Variants in SSBP2 observed in about 807,000 individuals in gnomAD.
SSBP2 encodes the protein single stranded DNA binding protein 2.
Under a neutral mutation model 61.8 loss-of-function variants are expected in SSBP2, and 17 were observed. The ratio of observed to expected loss-of-function variants is 0.28; its 90% CI spans 0.19 to 0.41. SSBP2 has a LOEUF of 0.41. Ranked by LOEUF, SSBP2 falls within the 10% of genes least tolerant of loss-of-function variation. SSBP2 has a pLI of 1.00. For missense variants in SSBP2, 310 were observed against 458.7 expected, an observed-to-expected ratio of 0.68 and a Z score of 2.96; for synonymous variants, 139 against 141.3, an observed-to-expected ratio of 0.98 and a Z score of 0.12.
At chr5:81,612,679 A>T (rs933954516) in intron 4 of SSBP2, among the ~76,000 whole-genome samples, 4 of 152,054 alleles carry the variant, frequency 2.6e-5, no homozygotes, top group Non-Finnish European at 4.4e-5. Flanking sequence ...TTATACATGC[A>T]AGTGAACATT....
At chr5:81,723,193 T>G (rs1333147223) in intron 1 of SSBP2, among the ~76,000 whole-genome samples, 1 of 152,026 alleles carries the variant, frequency 6.6e-6, no homozygotes, top group Admixed American at 6.6e-5. Context: ...AAATGAGTAG[T>G]TAGCACTTTC....
At chr5:81,558,109 C>T (rs926913054) in intron 4 of SSBP2, among the ~76,000 whole-genome samples, 9 of 152,254 alleles carry the variant, frequency 5.9e-5, no homozygotes, top group East Asian at 3.9e-4. Flanking sequence ...CTGTGAATTA[C>T]GAGGTTTTGC....
At chr5:81,680,674 A>G (rs930621550) in intron 1 of SSBP2, among the ~76,000 whole-genome samples, 1 of 152,192 alleles carries the variant, frequency 6.6e-6, no homozygotes, top group South Asian at 2.1e-4. Flanking sequence ...AATAAGAGGG[A>G]CATTATGTAA....
chr5:81,700,788 A>G (rs1010625542), intron 1 of SSBP2, among the ~76,000 whole-genome samples: 5 of 152,328 alleles, frequency 3.3e-5, no homozygotes, highest in Admixed American at 2.6e-4. Flanking sequence ...AACCTCTGCT[A>G]GCTTCAAAAT....
intron 1 of SSBP2, among the ~76,000 whole-genome samples, chr5:81,698,536 G>A (rs1019471586): frequency 2.3e-4 from 35 of 152,302 alleles, no homozygotes; most frequent in East Asian, 1.4e-3. Flanking sequence ...TGTAGGCCAC[G>A]TGCGGTGGCT....
intron 4 of SSBP2, among the ~76,000 whole-genome samples, chr5:81,590,423 C>A (rs1226275581): frequency 1.3e-5 from 2 of 152,224 alleles, no homozygotes; most frequent in Non-Finnish European, 2.9e-5. Flanking sequence ...CCCACATTTT[C>A]TTTAACTCTA....
chr5:81,420,602 C>T (rs1415853761), intron 16 of SSBP2, 69 bp from the exon 17 acceptor site: 1 of 1,278,032 alleles, frequency 7.8e-7, no homozygotes, highest in Non-Finnish European at 1.1e-6. Flanking sequence ...CTTCTTGGTA[C>T]AACAGAAACG....
chr5:81,700,842 G>C (rs1201693695), intron 1 of SSBP2, among the ~76,000 whole-genome samples: 1 of 152,186 alleles, frequency 6.6e-6, no homozygotes, highest in Non-Finnish European at 1.5e-5. Flanking sequence ...ACAAACTGAA[G>C]AGTTAGGATC....
intron 1 of SSBP2, among the ~76,000 whole-genome samples, chr5:81,703,960 C>A (rs999550600): frequency 6.6e-6 from 1 of 152,190 alleles, no homozygotes; most frequent in African/African-American, 2.4e-5. Flanking sequence ...TCAAAGACAT[C>A]TGACTATGGA....
intron 5 of SSBP2, among the ~76,000 whole-genome samples, chr5:81,493,984 G>A (rs1420897274): frequency 6.6e-6 from 1 of 152,092 alleles, no homozygotes; most frequent in Non-Finnish European, 1.5e-5. Context: ...ATGACTACCC[G>A]CTGATTAGGA....
At chr5:81,637,433 T>C (rs1030379921) in intron 2 of SSBP2, among the ~76,000 whole-genome samples, 4 of 152,256 alleles carry the variant, frequency 2.6e-5, no homozygotes, top group South Asian at 2.1e-4. Context: ...ACATTCTCTG[T>C]TGAAACACTC....
chr5:81,423,091 A>C (rs1020799322), intron 16 of SSBP2, among the ~76,000 whole-genome samples: 1 of 152,248 alleles, frequency 6.6e-6, no homozygotes, highest in Admixed American at 6.5e-5. Context: ...AGAAAAAATC[A>C]GAGAATATGG....
At chr5:81,500,126 T>C (rs932408153) in intron 5 of SSBP2, among the ~76,000 whole-genome samples, 3 of 152,246 alleles carry the variant, frequency 2.0e-5, no homozygotes, top group Non-Finnish European at 4.4e-5. Flanking sequence ...TTTGGTTACT[T>C]ATAGACATGA....
At chr5:81,653,994 TTTTG>T (rs1008444336) in intron 1 of SSBP2, among the ~76,000 whole-genome samples, 14 of 126,618 alleles carry the variant, frequency 1.1e-4, no homozygotes, top group Admixed American at 6.5e-4. Context: ...GTGTTTTTTG[TTTTG>T]TTTTTTTTTT....
In SSBP2 at chr5:81,414,005, A is replaced by G. The variant is rs1251998285; in HGVS notation, c.*6499T>C. On this transcript the variant is annotated 3_prime_UTR_variant, in exon 17 of 17. Coordinates refer to ENST00000320672, the MANE Select transcript of SSBP2 (RefSeq NM_012446.5). ...AAAAAGAAAGTGGGATTAAGTGTTA[A>G]TATTGACTAGGAGTAAGTCCTTTAC... 6.6e-6 allele frequency: 1 copy of G among 152,206 alleles called. No homozygotes were observed. The highest frequency in any genetic ancestry group is 1.5e-5 in the Non-Finnish European group (1 of 68,010). 9.4% of individuals were successfully genotyped at this position (152,206 alleles called of 1,614,324 possible).
intron 6 of SSBP2, among the ~76,000 whole-genome samples, chr5:81,479,389 C>G (rs868115903): frequency 6.6e-6 from 1 of 152,084 alleles, no homozygotes; most frequent in South Asian, 2.1e-4. Context: ...CTTCCAGGTT[C>G]AAGTGATTCT....
chr5:81,550,325 T>C (rs975275932), intron 4 of SSBP2, among the ~76,000 whole-genome samples: 13 of 152,198 alleles, frequency 8.5e-5, no homozygotes, highest in African/African-American at 2.9e-4. Context: ...GCAAATTCCT[T>C]GAGGGCCACA....
chr5:81,732,524 A>G (rs981004539), intron 1 of SSBP2, among the ~76,000 whole-genome samples: 1 of 152,258 alleles, frequency 6.6e-6, no homozygotes, highest in African/African-American at 2.4e-5. Context: ...CCTAAATTCT[A>G]AATCATAATC....
rs2153873370 is a variant in SSBP2 at position 81,416,852 on chromosome 5, T to C, written c.*3652A>G. The stretch of plus-strand genomic sequence containing the variant: ...GAATTGATTTACTTGTTAATCTTTT[T>C]GGCAATTGAGAAATCTTTTCTATTT... On this transcript the variant is annotated 3_prime_UTR_variant, in exon 17 of 17. Transcript: ENST00000320672. 1 of 152,336 alleles carries C rather than the reference T, an allele frequency of 6.6e-6. No individual in the cohort carries two copies. Among genetic ancestry groups the C allele is most frequent in the East Asian group, 1.9e-4 (1 of 5,184 alleles). The allele number at this position is 152,336 out of a possible 1,614,324, so 9.4% of individuals were successfully genotyped here.
Sources: gnomAD v4.1 joint callset for allele counts (sites outside exome capture counted in the v4.1 genomes callset) on GRCh38, gnomAD v4.1.1 for gene constraint, MANE v1.5 for transcripts, NCBI Gene and HGNC (gene_info 2026-07-23, HGNC 2026-07-21) for gene names.